The following ERBB4 variants were observed in gnomAD, a reference collection of about 807,000 sequenced individuals.
ERBB4 encodes receptor tyrosine-protein kinase erbB-4.
ERBB4 carries 42 observed loss-of-function variants against 158.0 expected under a neutral mutation model. That is an observed-to-expected ratio of 0.27 (90% CI 0.21 to 0.34). ERBB4 has a LOEUF of 0.34. Ranked by LOEUF, ERBB4 falls within the 10% of genes least tolerant of loss-of-function variation. ERBB4 has a pLI of 1.00. For missense variants in ERBB4, 1,333 were observed against 1,624.1 expected (o/e 0.82, Z 3.08); for synonymous variants, 583 against 558.7 (o/e 1.04, Z -0.61).
chr2:211,474,253 C>G (rs1176768933), intron 20 of ERBB4, among the ~76,000 whole-genome samples: 2 of 151,820 alleles, frequency 1.3e-5, no homozygotes, highest in Non-Finnish European at 1.5e-5. Context: ...AATATTCATA[C>G]TAAAGATTAA....
intron 24 of ERBB4, 40 bp downstream of exon 24, chr2:211,421,967 C>T: frequency 8.0e-7 from 1 of 1,257,374 alleles, no homozygotes; most frequent in Non-Finnish European, 1.2e-6. Context: ...GTGAGTTTGC[C>T]ATTGGCCTAG....
intron 1 of ERBB4, among the ~76,000 whole-genome samples, chr2:212,537,553 G>A (rs938821168): frequency 6.6e-6 from 1 of 152,020 alleles, no homozygotes; most frequent in African/African-American, 2.4e-5. Flanking sequence ...AGCAGTGGCC[G>A]CGCACCCATC....
rs147514533 is a variant in ERBB4, at chr2:211,387,134, C to T, written c.3200G>A (p.Arg1067Gln). 8.7e-5 allele frequency: 141 copies of T among 1,613,444 alleles called. No individual in the cohort carries two copies. Among genetic ancestry groups the T allele is most frequent in the African/African-American group, 2.3e-4 (17 of 74,998 alleles). Residue 1067 changes from arginine (R) to glutamine (Q), a missense_variant, in exon 27 of 28, where the codon CGA becomes CAA. Arg to Gln is a conservative substitution (Grantham distance 43). This residue lies in a region of ERBB4 where 252 missense variants were observed against 241.3 expected (regional missense o/e 1.04). Transcript: ENST00000342788. ...TPMSGNQFVY[R>Q]DGGFAAEQGV... ...TTGTTCAGCAGCAAAACCTCCATCT[C>T]GGTATACAAACTGGTTCTGTTAATA... is the stretch of plus-strand genomic sequence containing the variant.
chr2:212,140,695 T>C (rs2080432866), intron 1 of ERBB4, among the ~76,000 whole-genome samples: 1 of 151,162 alleles, frequency 6.6e-6, no homozygotes, highest in East Asian at 1.9e-4. Context: ...TGTAAACAGT[T>C]AAGAAACTTT....
At chr2:211,974,883 T>C (rs1486286997) in intron 2 of ERBB4, among the ~76,000 whole-genome samples, 1 of 152,210 alleles carries the variant, frequency 6.6e-6, no homozygotes, top group Admixed American at 6.5e-5. Flanking sequence ...TTGAAATACA[T>C]GCATTCATGG....
At chr2:212,487,762 A>G (rs1418590848) in intron 1 of ERBB4, among the ~76,000 whole-genome samples, 2 of 152,160 alleles carry the variant, frequency 1.3e-5, no homozygotes, top group Non-Finnish European at 2.9e-5. Flanking sequence ...TGCAGTCTAA[A>G]ATATCAAGCA....
At chr2:212,149,307 T>C (rs1378039013) in intron 1 of ERBB4, among the ~76,000 whole-genome samples, 1 of 152,186 alleles carries the variant, frequency 6.6e-6, no homozygotes, top group African/African-American at 2.4e-5. Flanking sequence ...CCTTTAAAAG[T>C]TCACATACAG....
chr2:212,179,531 G>A (rs1378693299), intron 1 of ERBB4, among the ~76,000 whole-genome samples: 1 of 151,482 alleles, frequency 6.6e-6, no homozygotes, highest in East Asian at 1.9e-4. Flanking sequence ...TATTAACACG[G>A]AGTAGAAAAG....
At chr2:211,585,456 A>T (rs2125781044) in intron 19 of ERBB4, among the ~76,000 whole-genome samples, 1 of 152,260 alleles carries the variant, frequency 6.6e-6, no homozygotes, top group African/African-American at 2.4e-5. Context: ...TGATTACCAA[A>T]TTAAATTGAC....
intron 1 of ERBB4, among the ~76,000 whole-genome samples, chr2:212,311,923 T>A (rs997529957): frequency 1.3e-5 from 2 of 150,902 alleles, no homozygotes; most frequent in Admixed American, 6.6e-5. Flanking sequence ...TCCTGGTGAA[T>A]AAATACAGAA....
chr2:212,280,563 A>G (rs1032459853), intron 1 of ERBB4, among the ~76,000 whole-genome samples: 2 of 151,746 alleles, frequency 1.3e-5, no homozygotes, highest in Admixed American at 1.3e-4. Flanking sequence ...AGACATAAAA[A>G]GAGTTGCTCC....
chr2:212,244,674 A>C (rs1314103081), intron 1 of ERBB4, among the ~76,000 whole-genome samples: 1 of 152,078 alleles, frequency 6.6e-6, no homozygotes, highest in Non-Finnish European at 1.5e-5. Flanking sequence ...ATGATTTGCC[A>C]TTCCTCTCAC....
intron 1 of ERBB4, among the ~76,000 whole-genome samples, chr2:212,391,309 A>G (rs755189564): frequency 1.1e-4 from 16 of 151,770 alleles, no homozygotes; most frequent in Non-Finnish European, 1.9e-4. Context: ...ATAAATCATT[A>G]TCAATAGTAA....
At chr2:212,160,485 C>A (rs1228526063) in intron 1 of ERBB4, among the ~76,000 whole-genome samples, 3 of 151,868 alleles carry the variant, frequency 2.0e-5, no homozygotes, top group African/African-American at 7.2e-5. Flanking sequence ...ATCACACACA[C>A]AAAAAGTCTT....
At chr2:211,608,338 T>C (rs2125827285) in intron 19 of ERBB4, among the ~76,000 whole-genome samples, 1 of 152,242 alleles carries the variant, frequency 6.6e-6, no homozygotes, top group East Asian at 1.9e-4. Flanking sequence ...CCCACCTGCC[T>C]CTCATTTAAT....
At chr2:212,456,687 T>A (rs1688304738) in intron 1 of ERBB4, among the ~76,000 whole-genome samples, 1 of 152,056 alleles carries the variant, frequency 6.6e-6, no homozygotes, top group African/African-American at 2.4e-5. Context: ...TAGTGTCATT[T>A]ATATTTAAGG....
chr2:212,000,552 C>T (rs1302459228), intron 2 of ERBB4, among the ~76,000 whole-genome samples: 3 of 151,574 alleles, frequency 2.0e-5, no homozygotes, highest in Admixed American at 1.3e-4. Context: ...CAAATAACTG[C>T]GTTAGAATTG....
chr2:211,972,813 C>T (rs2081492060), intron 2 of ERBB4, among the ~76,000 whole-genome samples: 1 of 152,124 alleles, frequency 6.6e-6, no homozygotes, highest in Admixed American at 6.5e-5. Flanking sequence ...TGGAAGACAA[C>T]CTAGGCAATA....
At chr2:212,133,013 C>CA (rs1241031970) in intron 1 of ERBB4, among the ~76,000 whole-genome samples, 1 of 152,034 alleles carries the variant, frequency 6.6e-6, no homozygotes, top group Non-Finnish European at 1.5e-5. Flanking sequence ...ATCTACAACC[C>CA]AAAATGCACT....
Sources: gnomAD v4.1 joint callset for allele counts (sites outside exome capture counted in the v4.1 genomes callset) on GRCh38, gnomAD v4.1.1 for gene constraint, gnomAD v4.1.1 regional missense constraint, MANE v1.5 for transcripts, NCBI Gene and HGNC (gene_info 2026-07-23, HGNC 2026-07-21) for gene names.